Variants in MTHFD2L observed in about 807,000 individuals in gnomAD.
The protein encoded by MTHFD2L is bifunctional methylenetetrahydrofolate dehydrogenase/cyclohydrolase 2, mitochondrial.
In MTHFD2L, 29 loss-of-function variants were observed where a neutral mutation model predicts 34.9. That is an observed-to-expected ratio of 0.83 (90% CI 0.62 to 1.13). The LOEUF is 1.13. Ranked by LOEUF, MTHFD2L falls within the 50% of genes most tolerant of loss-of-function variation. The pLI, the probability that MTHFD2L is intolerant of heterozygous loss-of-function variation, is 0.00. For synonymous variants in MTHFD2L, 167 were observed against 155.7 expected (o/e 1.07, Z -0.54); for missense variants, 481 against 446.5 (o/e 1.08, Z -0.70).
chr4:74,267,055 CCT>C, intron 6 of MTHFD2L: 1 of 985,214 alleles, frequency 1.0e-6, no homozygotes, highest in Non-Finnish European at 1.2e-6. Context: ...AACTAATATA[CCT>C]CTCCTTGCTT....
At chr4:74,181,335 C>CTAA (rs989868159) in intron 3 of MTHFD2L, among the ~76,000 whole-genome samples, 12 of 152,148 alleles carry the variant, frequency 7.9e-5, no homozygotes, top group Admixed American at 5.9e-4. Context: ...GTACTATTTA[C>CTAA]TAATGCCAAC....
At chr4:74,145,126 A>C (rs1723514072) in intron 1 of MTHFD2L, among the ~76,000 whole-genome samples, 1 of 152,104 alleles carries the variant, frequency 6.6e-6, no homozygotes, top group Non-Finnish European at 1.5e-5. Context: ...CAACCATAAA[A>C]GACTGATAAA....
At chr4:74,222,675 T>C (rs923904457) in intron 5 of MTHFD2L, among the ~76,000 whole-genome samples, 4 of 152,252 alleles carry the variant, frequency 2.6e-5, no homozygotes, top group Non-Finnish European at 5.9e-5. Flanking sequence ...GCAGTCCTTT[T>C]GCTAGTTTCC....
At chr4:74,227,945 A>T (rs2110130041) in intron 6 of MTHFD2L, among the ~76,000 whole-genome samples, 1 of 152,318 alleles carries the variant, frequency 6.6e-6, no homozygotes, top group Non-Finnish European at 1.5e-5. Context: ...AATCAAATTT[A>T]ATAAAATATC....
At chr4:74,186,656 C>T (rs1298548941) in intron 3 of MTHFD2L, among the ~76,000 whole-genome samples, 1 of 151,794 alleles carries the variant, frequency 6.6e-6, no homozygotes, top group Non-Finnish European at 1.5e-5. Flanking sequence ...TTAAAAACTA[C>T]AGAACATTTC....
At chr4:74,120,356 C>T (rs956754568), upstream of MTHFD2L, among the ~76,000 whole-genome samples, 1 of 152,222 alleles carries the variant, frequency 6.6e-6, no homozygotes, top group Non-Finnish European at 1.5e-5. Flanking sequence ...TACTTTTGTG[C>T]AATATATTTT....
At chr4:74,141,900 T>G (rs1171870277) in intron 1 of MTHFD2L, among the ~76,000 whole-genome samples, 1 of 152,114 alleles carries the variant, frequency 6.6e-6, no homozygotes, top group Non-Finnish European at 1.5e-5. Flanking sequence ...GTTACACAGT[T>G]AAATAAATAT....
At chr4:74,123,733 C>G (rs1327152891), upstream of MTHFD2L, among the ~76,000 whole-genome samples, 1 of 151,806 alleles carries the variant, frequency 6.6e-6, no homozygotes, top group East Asian at 1.9e-4. Context: ...TTCTTTATTT[C>G]TGTTGTGAGA....
At position 74,282,141 on chromosome 4, in the gene MTHFD2L, GTCT is replaced by G. The variant is rs1394477647; in HGVS notation, c.931+595_931+597del. Among the ~76,000 whole-genome samples the G allele has an allele frequency of 3.3e-5, 5 of 152,166 alleles. No homozygotes were observed. In the East Asian group the frequency reaches 9.7e-4, roughly 30 times the overall value. ...GTAGTAAAAAAAAAATTCTAACCCA[GTCT>G]TCTCTTTACAATAGGGGAAACTGGG... On this transcript the variant is annotated intron_variant, in intron 7 of 7. Transcript: ENST00000325278.
chr4:74,236,396 T>C (rs1312241119), intron 6 of MTHFD2L, among the ~76,000 whole-genome samples: 2 of 152,238 alleles, frequency 1.3e-5, no homozygotes, highest in African/African-American at 4.8e-5. Flanking sequence ...TATTGACTTA[T>C]TCACTGTTAT....
rs147690191 is a variant in MTHFD2L, at chr4:74,253,843, A to G, written c.806-27582A>G. On this transcript the variant is annotated intron_variant, in intron 6 of 7. Coordinates refer to ENST00000325278, the MANE Select transcript of MTHFD2L (RefSeq NM_001144978.3). ...GCCTGCCCATGCAGACTCAGGCCCC[A>G]GGTCTACCTCACCACCAGCCTGGCT... is the stretch of plus-strand genomic sequence containing the variant. 4.6e-3 allele frequency among the ~76,000 whole-genome samples: 705 copies of G among 152,248 alleles called. 4 individuals carry two copies. The highest frequency in any genetic ancestry group is 8.2e-3 in the Non-Finnish European group (555 of 68,006).
At chr4:74,234,795 C>CTGTG (rs576512591) in intron 6 of MTHFD2L, among the ~76,000 whole-genome samples, 4 of 113,690 alleles carry the variant, frequency 3.5e-5, no homozygotes, top group African/African-American at 2.0e-4. Flanking sequence ...GAAAAGGAGA[C>CTGTG]AGTGTGTGTG....
At chr4:74,178,292 CAT>C (rs1394071598) in intron 3 of MTHFD2L, among the ~76,000 whole-genome samples, 1 of 152,156 alleles carries the variant, frequency 6.6e-6, no homozygotes, top group South Asian at 2.1e-4. Context: ...ATAATGTATA[CAT>C]ATGTCAAAAC....
intron 7 of MTHFD2L, among the ~76,000 whole-genome samples, chr4:74,299,791 T>C (rs1560572520): frequency 6.6e-6 from 1 of 152,066 alleles, no homozygotes; most frequent in Non-Finnish European, 1.5e-5. Flanking sequence ...TTCTGCCTTC[T>C]AGATGCTGAT....
intron 6 of MTHFD2L, chr4:74,267,368 C>G (rs1560544570): frequency 2.2e-6 from 1 of 455,954 alleles, no homozygotes; most frequent in Non-Finnish European, 2.8e-6. Context: ...CTTCCTTTCT[C>G]TTTTTTCTTT....
chr4:74,127,710 T>C (rs1722178478), intron 1 of MTHFD2L, among the ~76,000 whole-genome samples: 1 of 152,184 alleles, frequency 6.6e-6, no homozygotes, highest in East Asian at 1.9e-4. Context: ...GCAATAAATA[T>C]GGGATTGCAG....
intron 3 of MTHFD2L, among the ~76,000 whole-genome samples, chr4:74,176,616 C>A (rs1167376627): frequency 6.6e-6 from 1 of 152,030 alleles, no homozygotes; most frequent in Admixed American, 6.6e-5. Flanking sequence ...TGACTGGTCA[C>A]TGATCATCAT....
chr4:74,288,958 C>T (rs1748536936), intron 7 of MTHFD2L, among the ~76,000 whole-genome samples: 1 of 152,094 alleles, frequency 6.6e-6, no homozygotes, highest in Non-Finnish European at 1.5e-5. Context: ...TATTTTCAGT[C>T]TCTTGATTAT....
chr4:74,221,761 TA>T (rs1284842434), intron 5 of MTHFD2L, among the ~76,000 whole-genome samples: 4 of 151,886 alleles, frequency 2.6e-5, no homozygotes, highest in African/African-American at 9.7e-5. Flanking sequence ...ATATATATGG[TA>T]AAACTATCAT....
Sources: allele counts gnomAD v4.1 joint callset (sites outside exome capture counted in the v4.1 genomes callset), GRCh38; gene constraint gnomAD v4.1.1; transcripts MANE v1.5; gene names NCBI Gene and HGNC (gene_info 2026-07-23, HGNC 2026-07-21).